The following IHO1 variants were observed in gnomAD, a reference collection of about 807,000 sequenced individuals.
The protein encoded by IHO1 is interactor of HORMAD1 protein 1.
In IHO1, 13 loss-of-function variants were observed where a neutral mutation model predicts 31.0. The ratio of observed to expected loss-of-function variants is 0.42; its 90% CI spans 0.27 to 0.67. The LOEUF (loss-of-function observed/expected upper bound fraction) is 0.67, where lower values mean the gene tolerates loss of function less well. Among genes scored for constraint, IHO1 ranks in the 30% least tolerant of loss-of-function variants. IHO1 has a pLI of 0.24. For synonymous variants in IHO1, 221 were observed against 248.4 expected (o/e 0.89, Z 1.04); for missense variants, 599 against 687.5 (o/e 0.87, Z 1.44).
At position 49,256,333 on chromosome 3, in the gene IHO1, A is replaced by C. The variant is rs778205937; in HGVS notation, c.836A>C (p.Gln279Pro). 1.9e-6 allele frequency: 3 copies of C among 1,614,082 alleles called. No homozygotes were observed. The African/African-American group carries it at 4.0e-5, about 22-fold the overall frequency. The change falls in exon 8 of 8, where the codon CAG becomes CCG. Residue 279 changes from glutamine to proline, a missense_variant. Transcript: ENST00000452691. This position sits in a 1 kb window ranked among gnomAD's most constrained non-coding sequence, Gnocchi z 4.6. ...SASQTSPPLA[Q>P]SLNLTRQEKY... ...TCTCAGACGTCGCCACCTTTGGCCCAGAGCCTCAATCTCACCAGGCAGGAA... is the reference window on the plus strand; with the variant it reads ...TCTCAGACGTCGCCACCTTTGGCCCCGAGCCTCAATCTCACCAGGCAGGAA...
At chr3:49,232,171 C>G (rs2046491510) in intron 2 of IHO1, among the ~76,000 whole-genome samples, 1 of 152,138 alleles carries the variant, frequency 6.6e-6, no homozygotes, top group South Asian at 2.1e-4. Flanking sequence ...ATTTTTCTCT[C>G]TATGGAATAT....
rs558325589 is a variant in IHO1 at position 49,252,952 on chromosome 3, G to A, written c.533-2438G>A. On this transcript the variant is annotated intron_variant, in intron 6 of 7. Coordinates refer to ENST00000452691, the MANE Select transcript of IHO1 (RefSeq NM_001135197.2). ...AGCTACTTGGGAGGCTGAGGCAGGA[G>A]AATTGCTTGAACCCAGAGGCAGAGG... Among the ~76,000 whole-genome samples, 8 of 151,952 alleles carry A rather than the reference G, an allele frequency of 5.3e-5. No homozygotes were observed. The East Asian group carries it at 1.2e-3, about 22-fold the overall frequency.
At chr3:49,239,193 A>G (rs2046596549) in intron 3 of IHO1, among the ~76,000 whole-genome samples, 1 of 151,958 alleles carries the variant, frequency 6.6e-6, no homozygotes, top group African/African-American at 2.4e-5. Context: ...GCTGGTCTCA[A>G]ACTCCTGACC....
chr3:49,220,477 A>T (rs1167331160), intron 2 of IHO1, among the ~76,000 whole-genome samples: 1 of 152,054 alleles, frequency 6.6e-6, no homozygotes, highest in Non-Finnish European at 1.5e-5. Flanking sequence ...AGATGTTAAG[A>T]TGTGTCTGGA....
intron 2 of IHO1, among the ~76,000 whole-genome samples, chr3:49,224,253 C>T (rs1040147395): frequency 1.3e-5 from 2 of 152,168 alleles, no homozygotes; most frequent in African/African-American, 2.4e-5. Context: ...TTGTTCCATA[C>T]CAAGGATCCT....
intron 3 of IHO1, among the ~76,000 whole-genome samples, chr3:49,239,871 G>T (rs1314777018): frequency 1.3e-5 from 2 of 151,954 alleles, no homozygotes; most frequent in Non-Finnish European, 2.9e-5. Flanking sequence ...ATGTTGGTCA[G>T]GCTGTTCTTG....
intron 1 of IHO1, among the ~76,000 whole-genome samples, chr3:49,202,527 GTGTGTGTGTGT>G (rs2046082722): frequency 1.5e-5 from 1 of 64,860 alleles, no homozygotes. Flanking sequence ...GTGTGTGTGT[GTGTGTGTGTGT>G]GTGTGTGTTT....
At position 49,257,259 on chromosome 3, in the gene IHO1, A is replaced by G; in HGVS notation, c.1762A>G (p.Ser588Gly). 1.2e-6 allele frequency: 2 copies of G among 1,614,028 alleles called. No individual in the cohort carries two copies. The highest frequency in any genetic ancestry group is 1.7e-6 in the Non-Finnish European group (2 of 1,179,936). Residue 588 changes from serine (S) to glycine (G), a missense_variant, in exon 8 of 8, where the codon AGC becomes GGC. By Grantham distance (56) the Ser-to-Gly change is moderately conservative (BLOSUM62 0). Coordinates refer to ENST00000452691, the MANE Select transcript of IHO1 (RefSeq NM_001135197.2). ...KNLLYDLGFD[S>G]SDDDGF ...TTTGCTCTATGACCTGGGTTTTGATAGCAGTGATGATGATGGCTTCTGACC... is the reference window on the plus strand; with the variant it reads ...TTTGCTCTATGACCTGGGTTTTGATGGCAGTGATGATGATGGCTTCTGACC...
At chr3:49,235,424 T>C (rs1308195648) in intron 2 of IHO1, among the ~76,000 whole-genome samples, 1 of 149,864 alleles carries the variant, frequency 6.7e-6, no homozygotes, top group Non-Finnish European at 1.5e-5. Context: ...GAGATGGGGT[T>C]TCACCATGTT....
intron 6 of IHO1, among the ~76,000 whole-genome samples, chr3:49,251,339 G>A (rs2046757324): frequency 2.0e-5 from 3 of 148,360 alleles, no homozygotes; most frequent in African/African-American, 7.5e-5. Flanking sequence ...AGGCTGGAGT[G>A]TAGTGGCACA....
chr3:49,200,120 G>A (rs1249608296), intron 1 of IHO1, among the ~76,000 whole-genome samples: 1 of 152,132 alleles, frequency 6.6e-6, no homozygotes, highest in African/African-American at 2.4e-5. Flanking sequence ...TTTTCTGCTA[G>A]AACTTTCTGC....
At chr3:49,255,552 G>T in intron 7 of IHO1, 59 bp downstream of exon 7, 38 of 764,196 alleles carry the variant, frequency 5.0e-5, no homozygotes, top group Non-Finnish European at 6.7e-5. Context: ...TAGACCCAGA[G>T]AGAAACTTTT....
At chr3:49,255,558 C>CTTTTTT (rs11344456) in intron 7 of IHO1, 65 bp downstream of exon 7, 3 of 354,430 alleles carry the variant, frequency 8.5e-6, no homozygotes, top group East Asian at 6.4e-5. Context: ...CAGAGAGAAA[C>CTTTTTT]TTTTTTTTTT....
chr3:49,205,593 G>A (rs1038219932), intron 1 of IHO1, among the ~76,000 whole-genome samples: 1 of 150,488 alleles, frequency 6.6e-6, no homozygotes, highest in Non-Finnish European at 1.5e-5. Context: ...ATGCCTGGCC[G>A]TAATTTTTTT....
intron 3 of IHO1, among the ~76,000 whole-genome samples, chr3:49,237,627 G>T (rs889330704): frequency 4.6e-5 from 7 of 151,634 alleles, no homozygotes; most frequent in African/African-American, 1.7e-4. Context: ...TTTGCCTAAG[G>T]CTAGTCATAC....
At chr3:49,198,281 A>G (rs1316395646), upstream of IHO1, 1 of 152,162 alleles carries the variant, frequency 6.6e-6, no homozygotes, top group Non-Finnish European at 1.5e-5. Flanking sequence ...AGTTAATTCT[A>G]ACTAATCTTC....
chr3:49,228,335 G>T, intron 2 of IHO1: 1 of 449,742 alleles, frequency 2.2e-6, no homozygotes, highest in South Asian at 1.6e-5. Flanking sequence ...CCACTCCGAA[G>T]AGTCAGGGGT....
chr3:49,210,208 A>C (rs2046191000), intron 1 of IHO1, among the ~76,000 whole-genome samples: 1 of 150,852 alleles, frequency 6.6e-6, no homozygotes, highest in Admixed American at 6.6e-5. Flanking sequence ...TATTTATTTA[A>C]ATTTTTTATT....
intron 6 of IHO1, among the ~76,000 whole-genome samples, chr3:49,250,011 G>C (rs1408342711): frequency 6.6e-6 from 1 of 152,190 alleles, no homozygotes; most frequent in African/African-American, 2.4e-5. Flanking sequence ...AACAGATATT[G>C]TCCAGAATAT....
Sources: gnomAD v4.1 joint callset for allele counts (sites outside exome capture counted in the v4.1 genomes callset) on GRCh38, gnomAD v4.1.1 for gene constraint, Gnocchi (gnomAD v3.1) non-coding constraint, MANE v1.5 for transcripts, NCBI Gene and HGNC (gene_info 2026-07-23, HGNC 2026-07-21) for gene names.